RANBP9: variants seen among roughly 807,000 people sequenced by gnomAD.
RANBP9 encodes the protein ran-binding protein 9.
Under a neutral mutation model 84.3 loss-of-function variants are expected in RANBP9, and 15 were observed. The ratio of observed to expected loss-of-function variants is 0.18; its 90% confidence interval spans 0.12 to 0.27. RANBP9 has a LOEUF of 0.27. Ranked by LOEUF, RANBP9 falls within the 10% of genes least tolerant of loss-of-function variation. The probability of loss-of-function intolerance (pLI) is 1.00; values close to 1 mark genes in which losing one functional copy is unlikely to be tolerated. For synonymous variants in RANBP9, 392 were observed against 349.6 expected (o/e 1.12, Z -1.35); for missense variants, 809 against 912.8 (o/e 0.89, Z 1.46).
intron 13 of RANBP9, 42 bp from the exon 14 acceptor site, chr6:13,622,534 G>C: frequency 2.0e-6 from 3 of 1,507,346 alleles, no homozygotes; most frequent in Non-Finnish European, 2.7e-6. Flanking sequence ...CAATTAGCAA[G>C]ACATTTTAAA....
intron 2 of RANBP9, among the ~76,000 whole-genome samples, chr6:13,690,726 T>C (rs1230591821): frequency 6.6e-6 from 1 of 152,222 alleles, no homozygotes; most frequent in Non-Finnish European, 1.5e-5. Context: ...ACTGCCTCTA[T>C]TAATATGCAT....
chr6:13,671,344 A>C, intron 2 of RANBP9, among the ~76,000 whole-genome samples: 1 of 152,206 alleles, frequency 6.6e-6, no homozygotes, highest in Non-Finnish European at 1.5e-5. Context: ...ACTATGTTAC[A>C]CAATTCTTCA....
chr6:13,696,829 C>T lies in RANBP9; in HGVS notation c.639G>A (p.Gly213=). 1 of 1,612,812 alleles carries T rather than the reference C, an allele frequency of 6.2e-7. No individual in the cohort carries two copies. The highest frequency in any genetic ancestry group is 1.3e-5 in the African/African-American group (1 of 74,996). Residue 213 remains glycine, a synonymous_variant, in exon 2 of 14, where the codon GGG becomes GGA. Coordinates refer to ENST00000011619, the MANE Select transcript of RANBP9 (RefSeq NM_005493.3). ...RATHPIPAAC[G]IYYFEVKIVS... ...CAATTTTTACTTCAAAATAATAAAT[C>T]CCACAGGCTGCTGGTATTGGATGCG...
chr6:13,660,012 TA>T (rs890918612), intron 2 of RANBP9, among the ~76,000 whole-genome samples: 1 of 152,218 alleles, frequency 6.6e-6, no homozygotes, highest in Non-Finnish European at 1.5e-5. Flanking sequence ...AAACCTTTTA[TA>T]ATTATTTAGG....
chr6:13,635,370 T>C (rs1055576739), intron 10 of RANBP9, among the ~76,000 whole-genome samples: 16 of 152,202 alleles, frequency 1.1e-4, no homozygotes, highest in Admixed American at 5.2e-4. Context: ...TATCTAATCT[T>C]TAGGATTTAT....
intron 3 of RANBP9, among the ~76,000 whole-genome samples, chr6:13,658,365 T>C (rs181525616): frequency 6.6e-6 from 1 of 152,252 alleles, no homozygotes; most frequent in Non-Finnish European, 1.5e-5. Context: ...TCCTAACAGT[T>C]TGGGAGGCCG....
chr6:13,710,159 GGTT>G (rs1350694098), intron 1 of RANBP9, among the ~76,000 whole-genome samples: 1 of 152,182 alleles, frequency 6.6e-6, no homozygotes, highest in African/African-American at 2.4e-5. Context: ...ACAAGCCTAA[GGTT>G]GTTGTTTTTA....
rs185416440 is a variant in RANBP9 at position 13,707,878 on chromosome 6, T to G, written c.571+3057A>C. Reference sequence around the variant, plus strand: ...AAGTCTAAACTTGTCACATTTGTACTTATTCAATACTGACAACAATTTCAA... The same window carrying G: ...AAGTCTAAACTTGTCACATTTGTACGTATTCAATACTGACAACAATTTCAA... On this transcript the variant is annotated intron_variant, in intron 1 of 13. Coordinates refer to ENST00000011619, the MANE Select transcript of RANBP9 (RefSeq NM_005493.3). Among the ~76,000 whole-genome samples, 303 of 152,368 alleles carry G rather than the reference T, an allele frequency of 2.0e-3. 1 individual carries two copies. Among genetic ancestry groups the G allele is most frequent in the South Asian group, 0.011 (54 of 4,832 alleles).
chr6:13,680,069 C>T (rs568194676), intron 2 of RANBP9, among the ~76,000 whole-genome samples: 5 of 152,056 alleles, frequency 3.3e-5, no homozygotes, highest in South Asian at 2.1e-4. Flanking sequence ...TTTAAAATAA[C>T]GAAGTTAGTC....
intron 12 of RANBP9, among the ~76,000 whole-genome samples, chr6:13,630,418 C>A (rs888942574): frequency 6.6e-6 from 1 of 151,558 alleles, no homozygotes; most frequent in Non-Finnish European, 1.5e-5. Context: ...GGAGTATAAT[C>A]TTAAATTTTC....
At chr6:13,685,494 A>G (rs1203483719) in intron 2 of RANBP9, among the ~76,000 whole-genome samples, 1 of 152,168 alleles carries the variant, frequency 6.6e-6, no homozygotes, top group Non-Finnish European at 1.5e-5. Context: ...GATCACTTGA[A>G]CCCAACAGTT....
intron 13 of RANBP9, among the ~76,000 whole-genome samples, chr6:13,623,208 T>C (rs1764504260): frequency 6.6e-6 from 1 of 152,194 alleles, no homozygotes. Flanking sequence ...AATGAACTAA[T>C]GGTAAAAGTG....
At chr6:13,628,662 G>A (rs926960015) in intron 12 of RANBP9, among the ~76,000 whole-genome samples, 8 of 152,182 alleles carry the variant, frequency 5.3e-5, no homozygotes. Flanking sequence ...ACTCCCAGTC[G>A]TAAACATCTA....
chr6:13,638,041 C>T (rs1764982624), intron 9 of RANBP9, 86 bp from the exon 10 acceptor site: 2 of 1,266,998 alleles, frequency 1.6e-6, no homozygotes, highest in Non-Finnish European at 2.1e-6. Context: ...TGATTTTGTA[C>T]TAAGACTTCT....
chr6:13,691,645 G>A (rs1304254653), intron 2 of RANBP9, among the ~76,000 whole-genome samples: 1 of 151,944 alleles, frequency 6.6e-6, no homozygotes, highest in African/African-American at 2.4e-5. Context: ...AGAAAACTCA[G>A]TGTTTTTTTT....
At chr6:13,690,422 C>G (rs1267275282) in intron 2 of RANBP9, among the ~76,000 whole-genome samples, 1 of 152,054 alleles carries the variant, frequency 6.6e-6, no homozygotes, top group Non-Finnish European at 1.5e-5. Context: ...TTCTAGTTTT[C>G]AAAGCTAGAC....
At chr6:13,662,836 A>G (rs976553739) in intron 2 of RANBP9, among the ~76,000 whole-genome samples, 3 of 152,224 alleles carry the variant, frequency 2.0e-5, no homozygotes, top group African/African-American at 7.2e-5. Flanking sequence ...GTATGAAATA[A>G]ATCTTTACTG....
At chr6:13,623,687 C>T (rs776069936) in intron 13 of RANBP9, among the ~76,000 whole-genome samples, 1 of 152,074 alleles carries the variant, frequency 6.6e-6, no homozygotes, top group Non-Finnish European at 1.5e-5. Flanking sequence ...TTTCATAACA[C>T]TATATAGATG....
intron 10 of RANBP9, among the ~76,000 whole-genome samples, chr6:13,635,451 G>A (rs760834183): frequency 4.0e-5 from 6 of 151,726 alleles, no homozygotes; most frequent in Non-Finnish European, 8.8e-5. Context: ...GTAATGCTTA[G>A]ATAAAAATGA....
Sources: allele counts gnomAD v4.1 joint callset (sites outside exome capture counted in the v4.1 genomes callset), GRCh38; gene constraint gnomAD v4.1.1; transcripts MANE v1.5; gene names NCBI Gene and HGNC (gene_info 2026-07-23, HGNC 2026-07-21).